SPATA6L: variants seen among roughly 807,000 people sequenced by gnomAD.
SPATA6L encodes the protein spermatogenesis associated 6 like.
In SPATA6L, 68 loss-of-function variants were observed where a neutral mutation model predicts 49.2. The observed-to-expected ratio is 1.38, with a 90% CI of 1.14 to 1.69. The LOEUF (loss-of-function observed/expected upper bound fraction) is 1.69, where lower values mean the gene tolerates loss of function less well. Ranked by LOEUF, SPATA6L falls within the 40% of genes most tolerant of loss-of-function variation. SPATA6L has a pLI of 0.00. For missense variants in SPATA6L, 668 were observed against 464.3 expected (o/e 1.44, Z -4.03); for synonymous variants, 198 against 165.7 (o/e 1.19, Z -1.50).
At chr9:4,604,610 C>T (rs1460492696) in intron 10 of SPATA6L, among the ~76,000 whole-genome samples, 1 of 152,152 alleles carries the variant, frequency 6.6e-6, no homozygotes, top group Non-Finnish European at 1.5e-5. Context: ...AAGCCAATGA[C>T]TTTGCAGAAA....
intron 3 of SPATA6L, among the ~76,000 whole-genome samples, chr9:4,644,855 AT>A (rs1315009546): frequency 6.6e-5 from 10 of 152,178 alleles, no homozygotes; most frequent in Non-Finnish European, 1.2e-4. Flanking sequence ...GACACACTGC[AT>A]AGCAAAAGTA....
intron 1 of SPATA6L, 41 bp downstream of exon 1, chr9:4,666,171 C>G (rs1587600440): frequency 2.5e-6 from 4 of 1,609,884 alleles, no homozygotes; most frequent in Non-Finnish European, 3.4e-6. Flanking sequence ...TATTTAGAGT[C>G]CGACTTGAGG....
chr9:4,595,613 T>C (rs548901011), downstream of SPATA6L, among the ~76,000 whole-genome samples: 1 of 152,296 alleles, frequency 6.6e-6, no homozygotes, highest in African/African-American at 2.4e-5. Flanking sequence ...CTCTCCCCAG[T>C]TGCCTCACTC....
At chr9:4,620,468 A>G (rs1283175553) in intron 7 of SPATA6L, among the ~76,000 whole-genome samples, 1 of 152,204 alleles carries the variant, frequency 6.6e-6, no homozygotes, top group African/African-American at 2.4e-5. Flanking sequence ...GCTCCACCCC[A>G]GCCCTACTGA....
At chr9:4,605,964 C>G (rs201732748) in intron 9 of SPATA6L, among the ~76,000 whole-genome samples, 8,242 of 152,132 alleles carry the variant, frequency 0.054, 498 homozygotes, top group East Asian at 0.32. Flanking sequence ...GCACCGTGCG[C>G]GAGCCGAAGC....
chr9:4,592,043 A>G (rs1268175157), intron 13 of SPATA6L, among the ~76,000 whole-genome samples: 2 of 152,162 alleles, frequency 1.3e-5, no homozygotes, highest in Non-Finnish European at 2.9e-5. Context: ...AGCCAAGCAC[A>G]GTGGCTCACA....
Position 4,600,734 on chromosome 9 carries a change from C to T in SPATA6L, c.*77G>A, listed in dbSNP as rs1412179028. The T allele has an allele frequency of 6.6e-6, 1 of 152,180 alleles. No homozygotes were observed. The highest frequency in any genetic ancestry group is 1.5e-5 in the Non-Finnish European group (1 of 68,038). The allele number at this position is 152,180 out of a possible 1,614,324, so 9.4% of individuals were successfully genotyped here. On this transcript the variant is annotated 3_prime_UTR_variant, in exon 12 of 12. Transcript: ENST00000682582. ...CTCAACACAGACAACAAAAAGTGTTCATTTCTTTAAGGATGCTTCAATTGT... is the reference window on the plus strand; with the variant it reads ...CTCAACACAGACAACAAAAAGTGTTTATTTCTTTAAGGATGCTTCAATTGT...
intron 5 of SPATA6L, chr9:4,626,771 T>TG: frequency 3.5e-6 from 1 of 289,062 alleles, no homozygotes; most frequent in Non-Finnish European, 6.9e-6. Flanking sequence ...ATTACAGTAC[T>TG]TCCATACAAT....
At chr9:4,610,730 G>T (rs1374650545) in intron 9 of SPATA6L, among the ~76,000 whole-genome samples, 1 of 151,544 alleles carries the variant, frequency 6.6e-6, no homozygotes, top group African/African-American at 2.4e-5. Flanking sequence ...TCAGGACATA[G>T]GCATGGGCAA....
At chr9:4,656,724 C>G (rs1288966760) in intron 2 of SPATA6L, among the ~76,000 whole-genome samples, 1 of 152,146 alleles carries the variant, frequency 6.6e-6, no homozygotes, top group Non-Finnish European at 1.5e-5. Flanking sequence ...TCGACTTGAC[C>G]TAGCTCTACT....
At chr9:4,638,608 G>A (rs1298162619) in intron 3 of SPATA6L, among the ~76,000 whole-genome samples, 1 of 151,908 alleles carries the variant, frequency 6.6e-6, no homozygotes, top group African/African-American at 2.4e-5. Context: ...CCCTGTGATG[G>A]GTATAATCCT....
intron 4 of SPATA6L, among the ~76,000 whole-genome samples, chr9:4,634,816 A>G (rs1832441179): frequency 6.6e-6 from 1 of 152,210 alleles, no homozygotes; most frequent in African/African-American, 2.4e-5. Flanking sequence ...AAGATCCTTC[A>G]GTAATATCAA....
chr9:4,650,252 G>A (rs1161026001), intron 3 of SPATA6L, among the ~76,000 whole-genome samples: 3 of 152,246 alleles, frequency 2.0e-5, no homozygotes, highest in African/African-American at 7.2e-5. Flanking sequence ...AGCTCACTTG[G>A]TACTTGTGTC....
Sources: allele counts gnomAD v4.1 joint callset (sites outside exome capture counted in the v4.1 genomes callset), GRCh38; gene constraint gnomAD v4.1.1; transcripts MANE v1.5; gene names NCBI Gene and HGNC (gene_info 2026-07-23, HGNC 2026-07-21).